The following AHI1 variants were observed in gnomAD, a reference collection of about 807,000 sequenced individuals.
AHI1 encodes the protein Abelson helper integration site 1, also known as jouberin.
In AHI1, 123 loss-of-function variants were observed where a neutral mutation model predicts 149.3. The observed-to-expected ratio is 0.82, with a 90% CI of 0.71 to 0.96. AHI1 has a LOEUF of 0.96. Among genes scored for constraint, AHI1 ranks in the 40% least tolerant of loss-of-function variants. The probability of loss-of-function intolerance (pLI) is 0.00; values close to 1 mark genes in which losing one functional copy is unlikely to be tolerated. For missense variants in AHI1, 1,439 were observed against 1,422.7 expected (o/e 1.01, Z -0.18); for synonymous variants, 475 against 459.8 (o/e 1.03, Z -0.42).
intron 21 of AHI1, 142 bp downstream of exon 21, chr6:135,411,206 G>C: frequency 1.3e-6 from 1 of 774,844 alleles, no homozygotes; most frequent in Non-Finnish European, 2.0e-6. Context: ...TTAGGAATAA[G>C]TACCTGAAAG....
At chr6:135,393,286 T>A (rs572670400) in intron 23 of AHI1, among the ~76,000 whole-genome samples, 3 of 152,140 alleles carry the variant, frequency 2.0e-5, no homozygotes, top group South Asian at 2.1e-4. Flanking sequence ...GAAAAAAAAA[T>A]TTGTATGTAT....
chr6:135,433,133 G>A lies in AHI1; in HGVS notation c.2160C>T (p.Ser720=). ...TCTCAACTTTCCATATCCGTATCAT[G>A]GAATCATAGCATCCTGTAACTACTA... The part of the protein sequence containing the change: ...RELVVTGCYD[S]MIRIWKVEMR... The change falls in exon 16 of 29, where the codon TCC becomes TCT. Residue 720 remains serine, a synonymous_variant. Coordinates refer to ENST00000265602, the MANE Select transcript of AHI1 (RefSeq NM_001134831.2). 1 of 1,613,482 alleles carries A rather than the reference G, an allele frequency of 6.2e-7. No individual in the cohort carries two copies. Among genetic ancestry groups the A allele is most frequent in the Non-Finnish European group, 8.5e-7 (1 of 1,179,544 alleles).
At chr6:135,404,522 T>C (rs1224996541) in intron 22 of AHI1, among the ~76,000 whole-genome samples, 1 of 152,190 alleles carries the variant, frequency 6.6e-6, no homozygotes, top group Non-Finnish European at 1.5e-5. Flanking sequence ...GTGAAAGACT[T>C]ATAAATGAAG....
At chr6:135,391,042 T>C (rs1008617384) in intron 23 of AHI1, among the ~76,000 whole-genome samples, 2 of 152,192 alleles carry the variant, frequency 1.3e-5, no homozygotes, top group Admixed American at 1.3e-4. Context: ...GGGAAGATGT[T>C]ATAGTTTTAA....
At position 135,322,920 on chromosome 6, in the gene AHI1, G is replaced by C. The variant is rs148977407; in HGVS notation, c.3328+242C>G. Among the ~76,000 whole-genome samples the C allele has an allele frequency of 2.4e-3, 371 of 152,276 alleles. 4 individuals are homozygous for C. Among genetic ancestry groups the C allele is most frequent in the African/African-American group, 8.4e-3 (348 of 41,564 alleles). ...TGAATAAGAAAGCTGGTAGCTAGAG[G>C]GGCAGGGTCCCCGAGGATAAGAAGT... is the stretch of plus-strand genomic sequence containing the variant. On this transcript the variant is annotated intron_variant, in intron 25 of 28. Coordinates refer to ENST00000265602, the MANE Select transcript of AHI1 (RefSeq NM_001134831.2).
chr6:135,475,462 A>G (rs1792448690), intron 5 of AHI1, among the ~76,000 whole-genome samples: 1 of 152,208 alleles, frequency 6.6e-6, no homozygotes, highest in Non-Finnish European at 1.5e-5. Context: ...CCACACTGTA[A>G]CAGTTTTGCC....
intron 9 of AHI1, among the ~76,000 whole-genome samples, chr6:135,457,009 T>G (rs1789062761): frequency 1.3e-5 from 2 of 152,160 alleles, no homozygotes; most frequent in African/African-American, 4.8e-5. Context: ...AAGTAATTAC[T>G]GAGCCAGGCA....
intron 26 of AHI1, chr6:135,302,606 G>T (rs1022681933): frequency 1.2e-5 from 13 of 1,124,354 alleles, no homozygotes; most frequent in Non-Finnish European, 1.4e-5. Flanking sequence ...CAAATTATAT[G>T]AATCCTAAGT....
At position 135,463,119 on chromosome 6, in the gene AHI1, G is replaced by A; in HGVS notation, c.931+6C>T. The A allele has an allele frequency of 1.3e-6, 2 of 1,565,420 alleles. No homozygotes were observed. The highest frequency in any genetic ancestry group is 1.7e-6 in the Non-Finnish European group (2 of 1,157,236). On this transcript the variant is annotated splice_donor_region_variant and intron_variant, in intron 8 of 28. Coordinates refer to ENST00000265602, the MANE Select transcript of AHI1 (RefSeq NM_001134831.2). ...CACAATTTTTCATTTAATTTGTATA[G>A]CAAACCTGCTTTAGTCTTCTTTTTT...
chr6:135,455,806 A>C lies in AHI1; in HGVS notation c.1272T>G (p.Ile424Met), dbSNP rs752889085. The change falls in exon 10 of 29, where the codon ATT becomes ATG. Residue 424 changes from isoleucine (I) to methionine (M), a missense_variant. Physicochemically the swap from Ile to Met is conservative, Grantham distance 10 (BLOSUM62 1). Coordinates refer to ENST00000265602, the MANE Select transcript of AHI1 (RefSeq NM_001134831.2). Reference protein sequence around the residue: ...KSRLPEWEEQIVFNENFPYLL... With the variant: ...KSRLPEWEEQMVFNENFPYLL... ...AATAGGGAAAATTTTCATTAAATAC[A>C]ATTTGTTCTTCCCACTCTGGAAGTC... 3.1e-5 allele frequency: 49 copies of C among 1,602,014 alleles called. No individual in the cohort carries two copies. The highest frequency in any genetic ancestry group is 3.9e-5 in the Non-Finnish European group (46 of 1,173,328).
chr6:135,331,914 T>G, intron 24 of AHI1, among the ~76,000 whole-genome samples: 1 of 152,178 alleles, frequency 6.6e-6, no homozygotes, highest in East Asian at 1.9e-4. Flanking sequence ...TCTTAGGTTT[T>G]AAGCCACCAA....
At chr6:135,426,195 T>A (rs924779320) in intron 20 of AHI1, among the ~76,000 whole-genome samples, 1 of 151,776 alleles carries the variant, frequency 6.6e-6, no homozygotes, top group African/African-American at 2.4e-5. Context: ...AATGTCTGCT[T>A]GTAATAGTAA....
chr6:135,465,334 T>C (rs985172091), intron 7 of AHI1, among the ~76,000 whole-genome samples: 1 of 152,220 alleles, frequency 6.6e-6, no homozygotes, highest in Non-Finnish European at 1.5e-5. Flanking sequence ...GAGAAAAAGA[T>C]TAGAATACCA....
chr6:135,327,065 A>G (rs1484416988), intron 24 of AHI1, among the ~76,000 whole-genome samples: 2 of 152,190 alleles, frequency 1.3e-5, no homozygotes, highest in African/African-American at 4.8e-5. Flanking sequence ...TGCAAAATAC[A>G]TTATTTCATA....
intron 11 of AHI1, among the ~76,000 whole-genome samples, chr6:135,450,571 T>C (rs1787937735): frequency 1.3e-5 from 2 of 152,178 alleles, no homozygotes; most frequent in African/African-American, 4.8e-5. Flanking sequence ...CATTAAATCA[T>C]AAGCACTCGA....
intron 23 of AHI1, among the ~76,000 whole-genome samples, chr6:135,379,504 C>CA (rs1562620544): frequency 6.6e-6 from 1 of 152,180 alleles, no homozygotes; most frequent in Non-Finnish European, 1.5e-5. Context: ...GCCTTATTGT[C>CA]TTCTTTAACA....
At chr6:135,368,863 T>C (rs1247123132) in intron 23 of AHI1, among the ~76,000 whole-genome samples, 1 of 152,260 alleles carries the variant, frequency 6.6e-6, no homozygotes, top group Non-Finnish European at 1.5e-5. Flanking sequence ...TTTTGCACCT[T>C]CCCACCTGCT....
At chr6:135,470,050 T>G (rs549941095) in intron 5 of AHI1, among the ~76,000 whole-genome samples, 1 of 152,168 alleles carries the variant, frequency 6.6e-6, no homozygotes, top group East Asian at 1.9e-4. Context: ...TGGGAGAAAA[T>G]TTTTGTAATC....
chr6:135,357,130 G>T (rs1470659200), intron 24 of AHI1, among the ~76,000 whole-genome samples: 2 of 152,110 alleles, frequency 1.3e-5, no homozygotes, highest in Non-Finnish European at 2.9e-5. Context: ...GTAGAGATGG[G>T]GTTTCACCAT....
Sources: allele counts gnomAD v4.1 joint callset (sites outside exome capture counted in the v4.1 genomes callset), GRCh38; gene constraint gnomAD v4.1.1; transcripts MANE v1.5; gene names NCBI Gene and HGNC (gene_info 2026-07-23, HGNC 2026-07-21).